TRAP1: variants seen among roughly 807,000 people sequenced by gnomAD.
TRAP1 encodes heat shock protein 75 kDa, mitochondrial.
TRAP1 carries 102 observed loss-of-function variants against 89.1 expected under a neutral mutation model. The ratio of observed to expected loss-of-function variants is 1.15; its 90% CI spans 0.98 to 1.35. TRAP1 has a LOEUF of 1.35. Ranked by LOEUF, TRAP1 falls within the 40% of genes most tolerant of loss-of-function variation. The pLI, the probability that TRAP1 is intolerant of heterozygous loss-of-function variation, is 0.00. For missense variants in TRAP1, 1,256 were observed against 945.3 expected, an observed-to-expected ratio of 1.33 and a Z score of -4.31; for synonymous variants, 508 against 388.0, an observed-to-expected ratio of 1.31 and a Z score of -3.64.
At chr16:3,692,949 C>A (rs1033381809) in intron 1 of TRAP1, among the ~76,000 whole-genome samples, 2 of 151,122 alleles carry the variant, frequency 1.3e-5, no homozygotes, top group Non-Finnish European at 2.9e-5. Flanking sequence ...ACAGCACAAA[C>A]CTGGCCTTTT....
At chr16:3,658,509 C>G (rs2042856275) in intron 17 of TRAP1, 1 of 569,340 alleles carries the variant, frequency 1.8e-6, no homozygotes, top group Non-Finnish European at 3.1e-6. Context: ...TGGTGAAAAC[C>G]CCATCTCTAC....
intron 1 of TRAP1, among the ~76,000 whole-genome samples, chr16:3,705,228 C>G (rs1193693265): frequency 2.6e-5 from 4 of 152,050 alleles, no homozygotes; most frequent in Non-Finnish European, 5.9e-5. Flanking sequence ...CCACACCCGG[C>G]TAATTTTTTG....
intron 4 of TRAP1, among the ~76,000 whole-genome samples, chr16:3,684,715 G>A (rs1034447864): frequency 1.3e-5 from 2 of 152,074 alleles, no homozygotes; most frequent in African/African-American, 2.4e-5. Flanking sequence ...GCTTGGACCT[G>A]GGAGGCGGAG....
intron 15 of TRAP1, 34 bp downstream of exon 15, chr16:3,662,848 G>A (rs2043164684): frequency 6.2e-7 from 1 of 1,608,124 alleles, no homozygotes; most frequent in Non-Finnish European, 8.5e-7. Flanking sequence ...GGACACTGCG[G>A]CCAAGTGGTG....
chr16:3,662,894 G>A lies in TRAP1; in HGVS notation c.1782C>T (p.Val594=), dbSNP rs1400261704. 6.2e-7 allele frequency: 1 copy of A among 1,613,442 alleles called. No individual in the cohort carries two copies. Residue 594 remains valine, a synonymous_variant, in exon 15 of 18, where the codon GTC becomes GTT. Coordinates refer to ENST00000246957, the MANE Select transcript of TRAP1 (RefSeq NM_016292.3). ...GGGAAAGCCTCACCTTCACGTTGGT[G>A]ACACGCGACCCCAGCACATTTCTCA... ...AWMRNVLGSR[V]TNVKVTLRLD... is the part of the protein sequence containing the mutation.
chr16:3,684,657 G>T (rs891723499), intron 4 of TRAP1, among the ~76,000 whole-genome samples: 58 of 152,076 alleles, frequency 3.8e-4, no homozygotes, highest in African/African-American at 1.2e-3. Context: ...GGGCATCATG[G>T]CACACATCCG....
chr16:3,708,259 G>A (rs891804409), intron 1 of TRAP1, among the ~76,000 whole-genome samples: 2 of 151,984 alleles, frequency 1.3e-5, no homozygotes, highest in African/African-American at 2.4e-5. Flanking sequence ...AGGTGGGGGC[G>A]GGCAGATCCC....
intron 1 of TRAP1, among the ~76,000 whole-genome samples, chr16:3,710,864 T>C (rs1214517701): frequency 8.8e-6 from 1 of 113,082 alleles, no homozygotes; most frequent in Non-Finnish European, 1.7e-5. Context: ...TGTGTATATA[T>C]ATATATATAT....
chr16:3,696,387 T>C (rs2051287554), intron 1 of TRAP1, among the ~76,000 whole-genome samples: 1 of 151,998 alleles, frequency 6.6e-6, no homozygotes. Context: ...CGAACGACAA[T>C]AATGGATTGT....
intron 1 of TRAP1, among the ~76,000 whole-genome samples, chr16:3,694,313 A>C (rs1323865400): frequency 6.6e-6 from 1 of 151,856 alleles, no homozygotes. Context: ...GCTCACACTC[A>C]CAAGTACCAG....
chr16:3,663,393 G>A (rs774395305), intron 14 of TRAP1, 31 bp downstream of exon 14: 1 of 1,612,926 alleles, frequency 6.2e-7, no homozygotes, highest in Non-Finnish European at 8.5e-7. Context: ...GTGGAAACCA[G>A]CCCCACGCCT....
In TRAP1 at chr16:3,674,450, A is replaced by G. The variant is rs142413437; in HGVS notation, c.933T>C (p.His311=). 828 of 1,614,004 alleles carry G rather than the reference A, an allele frequency of 5.1e-4. 6 individuals are homozygous for G. The African/African-American group carries it at 6.9e-3, about 13-fold the overall frequency. The change falls in exon 9 of 18, where the codon CAT becomes CAC. Residue 311 remains histidine, a synonymous_variant. Transcript: ENST00000246957. ...MDPKDVREWQ[H]EEFYRYVAQA... The stretch of plus-strand genomic sequence containing the variant: ...GCGCGACGTAGCGGTAGAACTCCTC[A>G]TGTTGCCACTCACGGACATCCTTGG...
intron 6 of TRAP1, chr16:3,676,382 G>A (rs1414751777): frequency 5.4e-5 from 9 of 166,916 alleles, no homozygotes; most frequent in Middle Eastern, 4.1e-3. Context: ...GGGCGGGGGG[G>A]CGGGGGTCCT....
intron 1 of TRAP1, chr16:3,710,359 G>C (rs983836857): frequency 7.9e-5 from 12 of 152,204 alleles, no homozygotes; most frequent in African/African-American, 2.7e-4. Flanking sequence ...GCCACAGTAA[G>C]AGAGGCCAAA....
chr16:3,666,368 G>C (rs1209463010), intron 11 of TRAP1, among the ~76,000 whole-genome samples: 1 of 151,158 alleles, frequency 6.6e-6, no homozygotes, highest in Non-Finnish European at 1.5e-5. Context: ...CCAGAGACAA[G>C]ATACCCACGC....
At chr16:3,664,598 T>C in intron 12 of TRAP1, 139 bp from the exon 13 acceptor site, 1 of 893,904 alleles carries the variant, frequency 1.1e-6, no homozygotes, top group Non-Finnish European at 1.6e-6. Context: ...GGTAGTGGAC[T>C]CGGGGGTTGT....
intron 11 of TRAP1, among the ~76,000 whole-genome samples, 157 bp from the exon 12 acceptor site, chr16:3,666,275 CAG>C (rs1448273026): frequency 1.3e-5 from 2 of 152,104 alleles, no homozygotes; most frequent in African/African-American, 4.8e-5. Context: ...AGCAGAAAGA[CAG>C]AAACCCTGGG....
chr16:3,668,607 G>A (rs1245130066), intron 11 of TRAP1, among the ~76,000 whole-genome samples: 1 of 152,036 alleles, frequency 6.6e-6, no homozygotes, highest in South Asian at 2.1e-4. Context: ...CTCTAATTTC[G>A]GCTGACTCTT....
chr16:3,659,025 T>C, intron 16 of TRAP1, 160 bp from the exon 17 acceptor site: 1 of 709,040 alleles, frequency 1.4e-6, no homozygotes, highest in South Asian at 2.2e-5. Flanking sequence ...AATATCATTA[T>C]ATACCCAGAA....
Sources: allele counts gnomAD v4.1 joint callset (sites outside exome capture counted in the v4.1 genomes callset), GRCh38; gene constraint gnomAD v4.1.1; transcripts MANE v1.5; gene names NCBI Gene and HGNC (gene_info 2026-07-23, HGNC 2026-07-21).